Variants in ZNF385B observed in about 807,000 individuals in gnomAD.
ZNF385B encodes the protein zinc finger protein 385B, also known as zinc finger protein 533.
ZNF385B carries 23 observed loss-of-function variants against 39.2 expected under a neutral mutation model. That is an observed-to-expected ratio of 0.59 (90% CI 0.42 to 0.83). ZNF385B has a LOEUF of 0.83. ZNF385B is among the 40% of genes least tolerant of loss of function. The pLI, the probability that ZNF385B is intolerant of heterozygous loss-of-function variation, is 0.00. For synonymous variants in ZNF385B, 205 were observed against 222.6 expected (o/e 0.92, Z 0.70); for missense variants, 552 against 598.9 (o/e 0.92, Z 0.82).
intron 3 of ZNF385B, among the ~76,000 whole-genome samples, chr2:179,588,339 C>T (rs1687269287): frequency 6.6e-6 from 1 of 152,090 alleles, no homozygotes; most frequent in Non-Finnish European, 1.5e-5. Flanking sequence ...CCGCCCGCCT[C>T]GTCCTCCCCC....
At chr2:179,543,692 TCTC>T (rs2060061039) in intron 4 of ZNF385B, among the ~76,000 whole-genome samples, 1 of 152,000 alleles carries the variant, frequency 6.6e-6, no homozygotes, top group Non-Finnish European at 1.5e-5. Flanking sequence ...GTTTGACTTG[TCTC>T]TGAAAAGCTC....
In ZNF385B at chr2:179,688,490, A is replaced by AAACAACAACAAC. The variant is rs75401653; in HGVS notation, c.298+81001_298+81012dup. On this transcript the variant is annotated intron_variant, in intron 3 of 9. Coordinates refer to ENST00000410066, the MANE Select transcript of ZNF385B (RefSeq NM_152520.6). ...CACAACCCCACCCTGTCCCCCTGCA[A>AAACAACAACAAC]AACAACAACAACAACAACAACAACA... 7.3e-3 allele frequency among the ~76,000 whole-genome samples: 1,089 copies of AAACAACAACAAC among 149,672 alleles called. 9 individuals are homozygous for AAACAACAACAAC. Among genetic ancestry groups the AAACAACAACAAC allele is most frequent in the African/African-American group, 0.025 (1,016 of 40,544 alleles).
At chr2:179,459,969 T>A (rs1173376990) in intron 6 of ZNF385B, among the ~76,000 whole-genome samples, 1 of 151,848 alleles carries the variant, frequency 6.6e-6, no homozygotes, top group Non-Finnish European at 1.5e-5. Context: ...CTGAGCATGG[T>A]GGCACGTGCC....
At chr2:179,699,974 T>G (rs1699057039) in intron 3 of ZNF385B, among the ~76,000 whole-genome samples, 1 of 151,978 alleles carries the variant, frequency 6.6e-6, no homozygotes, top group African/African-American at 2.4e-5. Flanking sequence ...CTCACTCCAT[T>G]AAATAACAAT....
chr2:179,775,014 C>G (rs1459876820), intron 1 of ZNF385B, among the ~76,000 whole-genome samples: 1 of 152,152 alleles, frequency 6.6e-6, no homozygotes, highest in Non-Finnish European at 1.5e-5. Flanking sequence ...TCTGGCATTG[C>G]TTTTTACCCA....
intron 3 of ZNF385B, among the ~76,000 whole-genome samples, chr2:179,564,333 G>T (rs1574823723): frequency 1.3e-5 from 2 of 152,256 alleles, no homozygotes; most frequent in East Asian, 3.9e-4. Context: ...TCCACAGAGA[G>T]GTGACATTTA....
At chr2:179,782,438 C>T (rs964375722) in intron 1 of ZNF385B, among the ~76,000 whole-genome samples, 1 of 152,102 alleles carries the variant, frequency 6.6e-6, no homozygotes, top group Non-Finnish European at 1.5e-5. Flanking sequence ...CAAGGATGCC[C>T]TCTCTCACCG....
chr2:179,616,421 C>T (rs1434154623), intron 3 of ZNF385B, among the ~76,000 whole-genome samples: 6 of 151,174 alleles, frequency 4.0e-5, no homozygotes, highest in African/African-American at 7.3e-5. Flanking sequence ...GCAACCTCCA[C>T]CTCCCAGGTA....
chr2:179,509,038 C>T (rs926722171), intron 5 of ZNF385B, among the ~76,000 whole-genome samples: 2 of 151,748 alleles, frequency 1.3e-5, no homozygotes, highest in African/African-American at 4.8e-5. Context: ...GCCCTGCCTC[C>T]CAGGCTCATG....
At chr2:179,609,009 CTAA>C (rs1009594489) in intron 3 of ZNF385B, among the ~76,000 whole-genome samples, 6 of 151,742 alleles carry the variant, frequency 4.0e-5, no homozygotes, top group Non-Finnish European at 7.4e-5. Flanking sequence ...AATATAATGC[CTAA>C]TAATAATATT....
intron 1 of ZNF385B, among the ~76,000 whole-genome samples, chr2:179,789,858 T>C (rs779362894): frequency 1.3e-4 from 20 of 152,042 alleles, no homozygotes; most frequent in Non-Finnish European, 2.5e-4. Context: ...AATGGAAATA[T>C]AAGGAAATAA....
At chr2:179,547,222 T>C (rs1226078337) in intron 3 of ZNF385B, among the ~76,000 whole-genome samples, 1 of 149,486 alleles carries the variant, frequency 6.7e-6, no homozygotes. Flanking sequence ...TTGTAACTTG[T>C]GATCTCATTT....
intron 3 of ZNF385B, among the ~76,000 whole-genome samples, chr2:179,661,749 T>G (rs1029309003): frequency 6.6e-6 from 1 of 152,228 alleles, no homozygotes; most frequent in Non-Finnish European, 1.5e-5. Flanking sequence ...ATCATTTGCG[T>G]CTTATAATAA....
intron 3 of ZNF385B, among the ~76,000 whole-genome samples, chr2:179,759,802 C>T (rs1452809415): frequency 1.3e-5 from 2 of 152,042 alleles, no homozygotes; most frequent in African/African-American, 2.4e-5. Context: ...TCTCTTGATA[C>T]TTAAGACATT....
chr2:179,829,896 A>C (rs898650360), intron 1 of ZNF385B, among the ~76,000 whole-genome samples: 37 of 152,380 alleles, frequency 2.4e-4, no homozygotes, highest in African/African-American at 7.7e-4. Context: ...TGAAATTTAA[A>C]ACTTTGGCTC....
intron 1 of ZNF385B, among the ~76,000 whole-genome samples, chr2:179,850,903 C>T (rs1359674139): frequency 1.3e-5 from 2 of 152,160 alleles, no homozygotes; most frequent in African/African-American, 4.8e-5. Flanking sequence ...CAAATTACCA[C>T]CATAGTTAGC....
intron 6 of ZNF385B, among the ~76,000 whole-genome samples, chr2:179,456,784 A>G (rs968820166): frequency 6.6e-6 from 1 of 152,216 alleles, no homozygotes; most frequent in African/African-American, 2.4e-5. Flanking sequence ...AACCACTCAT[A>G]GTAATTGAGC....
At chr2:179,588,588 C>A (rs1443673391) in intron 3 of ZNF385B, among the ~76,000 whole-genome samples, 4 of 152,156 alleles carry the variant, frequency 2.6e-5, no homozygotes, top group Non-Finnish European at 5.9e-5. Context: ...AACTTAGACT[C>A]TCTCTCCTGG....
intron 3 of ZNF385B, among the ~76,000 whole-genome samples, chr2:179,668,131 G>A (rs1695418585): frequency 1.3e-5 from 2 of 152,146 alleles, no homozygotes; most frequent in Admixed American, 6.5e-5. Flanking sequence ...TGGAGTACTG[G>A]TTAATATGCA....
Sources: gnomAD v4.1 joint callset for allele counts (sites outside exome capture counted in the v4.1 genomes callset) on GRCh38, gnomAD v4.1.1 for gene constraint, MANE v1.5 for transcripts, NCBI Gene and HGNC (gene_info 2026-07-23, HGNC 2026-07-21) for gene names.